The following WDR31 variants were observed in gnomAD, a reference collection of about 807,000 sequenced individuals.
The protein encoded by WDR31 is WD repeat domain 31, also known as WD repeat-containing protein 31.
In WDR31, 30 loss-of-function variants were observed where a neutral mutation model predicts 47.3. The ratio of observed to expected loss-of-function variants is 0.63; its 90% confidence interval spans 0.47 to 0.86. The LOEUF (loss-of-function observed/expected upper bound fraction) is 0.86. WDR31 is among the 40% of genes least tolerant of loss of function. The pLI is 0.00. For synonymous variants in WDR31, 137 were observed against 159.4 expected, an observed-to-expected ratio of 0.86 and a Z score of 1.06; for missense variants, 406 against 442.9, an observed-to-expected ratio of 0.92 and a Z score of 0.75.
rs79214583 is a variant in WDR31 at position 113,321,022 on chromosome 9, C to T, written c.638+489G>A. Among the ~76,000 whole-genome samples, 902 of 152,290 alleles carry T rather than the reference C, an allele frequency of 5.9e-3. 10 individuals carry two copies. Among genetic ancestry groups the T allele is most frequent in the African/African-American group, 0.021 (858 of 41,554 alleles). On this transcript the variant is annotated intron_variant, in intron 8 of 10. Transcript: ENST00000374193. ...TCCTACCATTTTCTAAGGAGAATCT[C>T]TTCTGAGATCCAAAGTTTCTAGTTA...
chr9:113,317,167 A>G (rs1161603110), intron 10 of WDR31, among the ~76,000 whole-genome samples: 1 of 152,138 alleles, frequency 6.6e-6, no homozygotes, highest in Admixed American at 6.5e-5. Context: ...CTCACCGGCT[A>G]AAGACATGTT....
At chr9:113,320,624 T>A in intron 8 of WDR31, 126 bp from the exon 9 acceptor site, 1 of 1,253,520 alleles carries the variant, frequency 8.0e-7, no homozygotes, top group Non-Finnish European at 1.1e-6. Flanking sequence ...ATGGCATGAT[T>A]TACCTAAAAA....
At chr9:113,329,511 A>G (rs1442595941) in intron 4 of WDR31, among the ~76,000 whole-genome samples, 1 of 151,324 alleles carries the variant, frequency 6.6e-6, no homozygotes, top group Non-Finnish European at 1.5e-5. Context: ...GTGGTGGCAC[A>G]TGCCTGTAAT....
chr9:113,318,367 G>T, intron 10 of WDR31, 108 bp downstream of exon 10: 1 of 1,291,708 alleles, frequency 7.7e-7, no homozygotes, highest in African/African-American at 1.5e-5. Context: ...CTGGACAGTG[G>T]CAGAAGATGG....
rs926297305 is a variant in WDR31, at chr9:113,315,642, C to T, written c.*1107G>A. On this transcript the variant is annotated 3_prime_UTR_variant, in exon 11 of 11. Coordinates refer to ENST00000374193, the MANE Select transcript of WDR31 (RefSeq NM_001012361.4). ...GTCTGGGGCACAGTTGACTCCATCCCTCTCTTTTTTCCTGTATGTGGTTTT... is the reference window on the plus strand; with the variant it reads ...GTCTGGGGCACAGTTGACTCCATCCTTCTCTTTTTTCCTGTATGTGGTTTT... 1 of 152,134 alleles carries T rather than the reference C, an allele frequency of 6.6e-6. No homozygotes were observed. The highest frequency in any genetic ancestry group is 2.4e-5 in the African/African-American group (1 of 41,366). The allele number at this position is 152,134 out of a possible 1,614,324, so 9.4% of individuals were successfully genotyped here. A position where few individuals can be genotyped will look rare whatever the true frequency, so the allele number is the denominator to read the frequency against.
chr9:113,317,313 C>G (rs1366103201), intron 10 of WDR31, among the ~76,000 whole-genome samples: 1 of 152,072 alleles, frequency 6.6e-6, no homozygotes, highest in African/African-American at 2.4e-5. Context: ...TGGGAGAGCC[C>G]GAAAGGCAGT....
Position 113,322,862 on chromosome 9 carries a change from C to G in WDR31, c.519G>C (p.Trp173Cys). 1 of 1,614,176 alleles carries G rather than the reference C, an allele frequency of 6.2e-7. No individual in the cohort carries two copies. The highest frequency in any genetic ancestry group is 1.1e-5 in the South Asian group (1 of 91,082). ...TGSRDNTLLL[W>C]DVVTGQSVER... ...CCACACTCTGTCCTGTCACCACATCCCACAGAAGCAGGGTGTTGTCCCGAG... is the reference window on the plus strand; with the variant it reads ...CCACACTCTGTCCTGTCACCACATCGCACAGAAGCAGGGTGTTGTCCCGAG... Residue 173 changes from tryptophan to cysteine, a missense_variant, in exon 7 of 11, where the codon TGG (tryptophan) becomes TGC (cysteine). Trp to Cys is a radical substitution (Grantham distance 215, BLOSUM62 -2). Coordinates refer to ENST00000374193, the MANE Select transcript of WDR31 (RefSeq NM_001012361.4).
rs1286274488 is a variant in WDR31, at chr9:113,315,521, A to C, written c.*1228T>G. 2 of 152,092 alleles carry C rather than the reference A, an allele frequency of 1.3e-5. No individual in the cohort carries two copies. Among genetic ancestry groups the C allele is most frequent in the African/African-American group, 2.4e-5 (1 of 41,374 alleles). The allele number at this position is 152,092 out of a possible 1,614,324, so 9.4% of individuals were successfully genotyped here. On this transcript the variant is annotated 3_prime_UTR_variant, in exon 11 of 11. Transcript: ENST00000374193. The stretch of plus-strand genomic sequence containing the variant: ...GAAAGAACTCCATTTTCCCTGGAGG[A>C]AAATGGACCAGTGAGCATGAGGCTG...
rs370993296 is a variant in WDR31, at chr9:113,329,094, C to A, written c.250-139G>T. The stretch of plus-strand genomic sequence containing the variant: ...GAACTTGCTCAAAGCATTCGGGGTT[C>A]CCTGTTGTGGCCGTCCCTCCTCACG... On this transcript the variant is annotated intron_variant, in intron 4 of 10. Coordinates refer to ENST00000374193, the MANE Select transcript of WDR31 (RefSeq NM_001012361.4). 62 of 748,986 alleles carry A rather than the reference C, an allele frequency of 8.3e-5. No individual in the cohort carries two copies. The East Asian group carries it at 1.6e-3, about 19-fold the overall frequency. 46.4% of individuals were successfully genotyped at this position (748,986 alleles called of 1,614,324 possible). A position where few individuals can be genotyped will look rare whatever the true frequency, so the allele number is the denominator to read the frequency against.
At chr9:113,328,389 C>A (rs913136425) in intron 5 of WDR31, among the ~76,000 whole-genome samples, 1 of 152,140 alleles carries the variant, frequency 6.6e-6, no homozygotes, top group African/African-American at 2.4e-5. Flanking sequence ...GACTTCAGAG[C>A]GGGGAATTAT....
At chr9:113,321,873 A>C (rs1264686195) in intron 7 of WDR31, among the ~76,000 whole-genome samples, 1 of 152,188 alleles carries the variant, frequency 6.6e-6, no homozygotes, top group Non-Finnish European at 1.5e-5. Context: ...CTCCTGTTGT[A>C]AGGTGGGTTC....
chr9:113,318,769 T>C (rs1178224260), intron 9 of WDR31, 132 bp from the exon 10 acceptor site: 5 of 891,788 alleles, frequency 5.6e-6, no homozygotes, highest in Admixed American at 2.3e-5. Flanking sequence ...CTTATCTTCA[T>C]CCATCCACAG....
At chr9:113,316,987 A>C in intron 10 of WDR31, 78 bp from the exon 11 acceptor site, 1 of 1,492,682 alleles carries the variant, frequency 6.7e-7, no homozygotes, top group Non-Finnish European at 9.1e-7. Context: ...GAGAAATGCA[A>C]GGAAATAAAG....
chr9:113,319,951 TTTTC>T (rs1258518171), intron 9 of WDR31, among the ~76,000 whole-genome samples: 14 of 152,192 alleles, frequency 9.2e-5, no homozygotes, highest in Non-Finnish European at 1.9e-4. Context: ...GTTTCTTTTA[TTTTC>T]TTTCTTTATT....
chr9:113,339,693 C>A (rs1007385144), intron 1 of WDR31, among the ~76,000 whole-genome samples: 1 of 152,144 alleles, frequency 6.6e-6, no homozygotes, highest in African/African-American at 2.4e-5. Context: ...GCAAATGCTC[C>A]TCTCCCTGCC....
At chr9:113,321,380 G>A in intron 8 of WDR31, 131 bp downstream of exon 8, 2 of 865,522 alleles carry the variant, frequency 2.3e-6, no homozygotes, top group East Asian at 2.5e-5. Flanking sequence ...CAGCACCAGT[G>A]AAGGGCAGAG....
At chr9:113,317,282 T>A (rs569672181) in intron 10 of WDR31, among the ~76,000 whole-genome samples, 2 of 152,304 alleles carry the variant, frequency 1.3e-5, no homozygotes, top group South Asian at 4.1e-4. Context: ...GGGGTCTTGA[T>A]GCCTTGGAGA....
chr9:113,325,615 T>A (rs935974816), intron 5 of WDR31, among the ~76,000 whole-genome samples: 12 of 142,596 alleles, frequency 8.4e-5, no homozygotes, highest in Middle Eastern at 3.6e-3. Flanking sequence ...GTAAGGAAAA[T>A]TTTTTTTTTC....
At chr9:113,325,100 C>CAT (rs1157646780) in intron 5 of WDR31, among the ~76,000 whole-genome samples, 1 of 151,806 alleles carries the variant, frequency 6.6e-6, no homozygotes, top group East Asian at 1.9e-4. Flanking sequence ...TGTGTGCCAC[C>CAT]ATGCCTGGCT....
Sources: gnomAD v4.1 joint callset for allele counts (sites outside exome capture counted in the v4.1 genomes callset) on GRCh38, gnomAD v4.1.1 for gene constraint, MANE v1.5 for transcripts, NCBI Gene and HGNC (gene_info 2026-07-23, HGNC 2026-07-21) for gene names.